The following EFHC2 variants were observed in gnomAD, a reference collection of about 807,000 sequenced individuals.
The protein encoded by EFHC2 is EF-hand domain containing 2, also known as EF-hand domain-containing family member C2.
A neutral mutation model predicts 52.7 loss-of-function variants in EFHC2; 18 were observed. That is an observed-to-expected ratio of 0.34 (90% confidence interval 0.24 to 0.51). The LOEUF is 0.51. EFHC2 is among the 20% of genes least tolerant of loss of function. The pLI is 0.97. For synonymous variants in EFHC2, 203 were observed against 204.1 expected, an observed-to-expected ratio of 0.99 and a Z score of 0.04; for missense variants, 513 against 562.5, an observed-to-expected ratio of 0.91 and a Z score of 0.89.
At chrX:44,199,162 G>A (rs903734127) in intron 11 of EFHC2, among the ~76,000 whole-genome samples, 3 of 112,767 alleles carry the variant, frequency 2.7e-5, no homozygotes, top group Non-Finnish European at 3.8e-5. Context: ...ATGGCTCAGC[G>A]CCATCCCCTC....
At chrX:44,195,638 G>T (rs1192674792) in intron 11 of EFHC2, among the ~76,000 whole-genome samples, 1 of 111,358 alleles carries the variant, frequency 9.0e-6, no homozygotes, top group African/African-American at 3.3e-5. Context: ...CTGGGCTATG[G>T]CACATGATGC....
chrX:44,197,652 A>G (rs754487620), intron 11 of EFHC2, among the ~76,000 whole-genome samples: 1 of 112,229 alleles, frequency 8.9e-6, no homozygotes, highest in African/African-American at 3.2e-5. Flanking sequence ...GACCCAATAC[A>G]GAGCACATGC....
chrX:44,311,757 A>G (rs2037949420), intron 2 of EFHC2, among the ~76,000 whole-genome samples: 1 of 112,297 alleles, frequency 8.9e-6, no homozygotes, highest in African/African-American at 3.2e-5. Context: ...TTCTTGCCAC[A>G]TCACATTTTA....
At chrX:44,179,713 T>C (rs2036819199) in intron 11 of EFHC2, among the ~76,000 whole-genome samples, 1 of 112,283 alleles carries the variant, frequency 8.9e-6, no homozygotes, top group South Asian at 3.7e-4. Flanking sequence ...TCCCAGAATT[T>C]CAGCAAGTCA....
intron 2 of EFHC2, among the ~76,000 whole-genome samples, chrX:44,302,216 T>C (rs2037873841): frequency 8.9e-6 from 1 of 111,913 alleles, no homozygotes; most frequent in Non-Finnish European, 1.9e-5. Flanking sequence ...CTAATGGGGA[T>C]GTAGTGGTAC....
At chrX:44,211,988 A>G (rs765242506) in intron 11 of EFHC2, among the ~76,000 whole-genome samples, 1 of 109,963 alleles carries the variant, frequency 9.1e-6, no homozygotes, top group African/African-American at 3.3e-5. Flanking sequence ...AGGAACATAC[A>G]GAGAATCACA....
At chrX:44,309,591 A>G in intron 2 of EFHC2, 1 of 1,161,406 alleles carries the variant, frequency 8.6e-7, no homozygotes, top group Non-Finnish European at 1.2e-6. Context: ...CTATCTGAAC[A>G]GCATTGATAA....
intron 11 of EFHC2, among the ~76,000 whole-genome samples, chrX:44,192,507 C>T (rs1357062842): frequency 8.9e-6 from 1 of 112,024 alleles, no homozygotes; most frequent in African/African-American, 3.2e-5. Flanking sequence ...GATCTCTTTT[C>T]GTATATTTTA....
At chrX:44,176,525 C>T in intron 12 of EFHC2, 141 bp from the exon 13 acceptor site, 1 of 450,410 alleles carries the variant, frequency 2.2e-6, no homozygotes, top group Non-Finnish European at 3.6e-6. Context: ...TTGGAATTCA[C>T]AATAAGGAAG....
chrX:44,175,020 G>C (rs777117862), intron 13 of EFHC2, among the ~76,000 whole-genome samples: 2 of 111,382 alleles, frequency 1.8e-5, no homozygotes, highest in Non-Finnish European at 3.8e-5. Flanking sequence ...GGCTTTATCT[G>C]TTCCTTTGGT....
At chrX:44,194,367 GTTTTGACA>G (rs2036945804) in intron 11 of EFHC2, among the ~76,000 whole-genome samples, 1 of 111,575 alleles carries the variant, frequency 9.0e-6, no homozygotes, top group Admixed American at 9.6e-5. Context: ...ACCCGGCTAC[GTTTTGACA>G]GTGGCTGGAA....
At chrX:44,287,555 T>TA (rs2037761632) in intron 2 of EFHC2, among the ~76,000 whole-genome samples, 1 of 112,620 alleles carries the variant, frequency 8.9e-6, no homozygotes, top group Non-Finnish European at 1.9e-5. Flanking sequence ...GTTCACTTAC[T>TA]CATGTTACTA....
chrX:44,176,069 A>G (rs1293158416), intron 13 of EFHC2, among the ~76,000 whole-genome samples: 1 of 112,617 alleles, frequency 8.9e-6, no homozygotes, highest in East Asian at 2.8e-4. Context: ...GTGTGTATTC[A>G]TGTTAAAAAG....
At chrX:44,264,882 T>C (rs1051242839) in intron 3 of EFHC2, among the ~76,000 whole-genome samples, 16 of 112,000 alleles carry the variant, frequency 1.4e-4, no homozygotes, top group African/African-American at 5.2e-4. Context: ...GAAGAGCAGG[T>C]GAAATCATCA....
At position 44,181,982 on chromosome X, in the gene EFHC2, G is replaced by A. The variant is rs141371893; in HGVS notation, c.1752-3418C>T. On this transcript the variant is annotated intron_variant, in intron 11 of 14. Transcript: ENST00000420999. The stretch of plus-strand genomic sequence containing the variant: ...TAAAATTTGCCATTTGTGACATTTA[G>A]TATATTCACAATGTTGTATAACCAC... Among the ~76,000 whole-genome samples, 480 of 112,293 alleles carry A rather than the reference G, an allele frequency of 4.3e-3. 15 individuals are homozygous for A. The East Asian group carries it at 0.1, about 24-fold the overall frequency.
At chrX:44,212,379 T>C (rs1214712196) in intron 11 of EFHC2, among the ~76,000 whole-genome samples, 1 of 111,770 alleles carries the variant, frequency 8.9e-6, no homozygotes, top group African/African-American at 3.3e-5. Context: ...TCCTCAGACT[T>C]CTGGCAGAGA....
intron 3 of EFHC2, among the ~76,000 whole-genome samples, chrX:44,266,368 T>G (rs2037578220): frequency 9.0e-6 from 1 of 110,716 alleles, no homozygotes; most frequent in Non-Finnish European, 1.9e-5. Flanking sequence ...TTTTTTTAAT[T>G]TTTTTTCACC....
chrX:44,166,551 CATT>C (rs2036698023), intron 13 of EFHC2, among the ~76,000 whole-genome samples: 1 of 111,345 alleles, frequency 9.0e-6, no homozygotes, highest in Admixed American at 9.6e-5. Flanking sequence ...ATGTGGGAGT[CATT>C]AGCCATATGG....
chrX:44,248,648 T>C (rs1203410307), intron 6 of EFHC2, among the ~76,000 whole-genome samples, 155 bp downstream of exon 6: 1 of 112,363 alleles, frequency 8.9e-6, no homozygotes, highest in East Asian at 2.8e-4. Context: ...CATTTCAGCA[T>C]GTTTATTACT....
Sources: allele counts gnomAD v4.1 joint callset (sites outside exome capture counted in the v4.1 genomes callset), GRCh38; gene constraint gnomAD v4.1.1; transcripts MANE v1.5; gene names NCBI Gene and HGNC (gene_info 2026-07-23, HGNC 2026-07-21).